LINGO2: variants seen among roughly 807,000 people sequenced by gnomAD.
LINGO2 encodes leucine rich repeat and Ig domain containing 2.
In LINGO2, 14 loss-of-function variants were observed where a neutral mutation model predicts 30.6. The ratio of observed to expected loss-of-function variants is 0.46; its 90% CI spans 0.30 to 0.72. The LOEUF (loss-of-function observed/expected upper bound fraction) is 0.72, where lower values mean the gene tolerates loss of function less well. LINGO2 is among the 30% of genes least tolerant of loss of function. The pLI, the probability that LINGO2 is intolerant of heterozygous loss-of-function variation, is 0.07. For synonymous variants in LINGO2, 317 were observed against 288.5 expected (o/e 1.10, Z -1.00); for missense variants, 729 against 751.7 (o/e 0.97, Z 0.35).
the LINGO2 span, among the ~76,000 whole-genome samples, chr9:28,961,048 C>A: frequency 3.3e-5 from 5 of 152,058 alleles, no homozygotes; most frequent in Non-Finnish European, 7.4e-5. Flanking sequence ...ATGTATATTT[C>A]TGATATGCTC....
chr9:28,342,121 T>TA (rs1343238112), intron 3 of LINGO2, among the ~76,000 whole-genome samples: 1 of 152,120 alleles, frequency 6.6e-6, no homozygotes, highest in African/African-American at 2.4e-5. Flanking sequence ...ATGCTGACTA[T>TA]AAAAAATACT....
intron 4 of LINGO2, among the ~76,000 whole-genome samples, chr9:28,182,899 C>T (rs970295675): frequency 1.1e-4 from 16 of 152,082 alleles, no homozygotes; most frequent in African/African-American, 3.6e-4. Flanking sequence ...GACAGTGTGG[C>T]GATTCCTCAA....
intron 5 of LINGO2, among the ~76,000 whole-genome samples, chr9:27,966,505 G>C (rs984770890): frequency 6.6e-6 from 1 of 152,084 alleles, no homozygotes; most frequent in Non-Finnish European, 1.5e-5. Flanking sequence ...TCACTCATAA[G>C]TGGGAATTGA....
chr9:28,475,453 T>C (rs1325987590), intron 2 of LINGO2, among the ~76,000 whole-genome samples: 1 of 152,162 alleles, frequency 6.6e-6, no homozygotes, highest in African/African-American at 2.4e-5. Context: ...ACTTTCTTTA[T>C]CTATAAAACA....
At chr9:28,003,349 A>AGAT (rs1491022619) in intron 5 of LINGO2, among the ~76,000 whole-genome samples, 1 of 115,372 alleles carries the variant, frequency 8.7e-6, no homozygotes, top group East Asian at 3.6e-4. Context: ...ATATATAGAT[A>AGAT]GATAGATAGA....
At chr9:27,945,774 A>AAAG (rs1823341488), downstream of LINGO2, among the ~76,000 whole-genome samples, 1 of 152,116 alleles carries the variant, frequency 6.6e-6, no homozygotes, top group South Asian at 2.1e-4. Flanking sequence ...CACTCAATGG[A>AAAG]TACCAGAGCT....
chr9:28,988,212 C>G, the LINGO2 span, among the ~76,000 whole-genome samples: 4 of 152,198 alleles, frequency 2.6e-5, no homozygotes, highest in South Asian at 2.1e-4. Context: ...TAGGTGCTCC[C>G]ATGTTGGGTG....
At chr9:28,445,785 G>T (rs903363127) in intron 2 of LINGO2, among the ~76,000 whole-genome samples, 4 of 149,678 alleles carry the variant, frequency 2.7e-5, no homozygotes, top group Non-Finnish European at 2.9e-5. Flanking sequence ...GTTACTTATT[G>T]TTGGCAACAT....
chr9:28,529,068 T>G (rs1349015181), intron 1 of LINGO2, among the ~76,000 whole-genome samples: 1 of 152,096 alleles, frequency 6.6e-6, no homozygotes, highest in East Asian at 1.9e-4. Context: ...AGAAAGTCCT[T>G]CATGTTCCAT....
At chr9:28,218,939 G>A (rs1820863483) in intron 4 of LINGO2, among the ~76,000 whole-genome samples, 1 of 152,120 alleles carries the variant, frequency 6.6e-6, no homozygotes, top group Admixed American at 6.5e-5. Flanking sequence ...CAAATTTTCT[G>A]AGACTATAAT....
chr9:28,999,691 T>C, the LINGO2 span, among the ~76,000 whole-genome samples: 1 of 152,002 alleles, frequency 6.6e-6, no homozygotes, highest in African/African-American at 2.4e-5. Context: ...AAATTAAAAG[T>C]AAACAGGTTA....
At chr9:28,927,012 T>C in the LINGO2 span, among the ~76,000 whole-genome samples, 1 of 152,238 alleles carries the variant, frequency 6.6e-6, no homozygotes, top group Non-Finnish European at 1.5e-5. Context: ...TTTTTTCTTC[T>C]TACAGCATAT....
chr9:28,016,888 AAAC>A lies in LINGO2; in HGVS notation c.-86-4486_-86-4484del, dbSNP rs149891018. ...AAACTTAGCAGAGACAACAACAACAAAACAACAACTTCAGGCCAATATCCTTGA... is the reference window on the plus strand; with the variant it reads ...AAACTTAGCAGAGACAACAACAACAAAACAACTTCAGGCCAATATCCTTGA... On this transcript the variant is annotated intron_variant, in intron 4 of 5. Coordinates refer to ENST00000379992, the Ensembl canonical transcript of LINGO2. 5.1e-3 allele frequency among the ~76,000 whole-genome samples: 778 copies of A among 152,204 alleles called. 8 individuals carry two copies. The highest frequency in any genetic ancestry group is 0.017 in the African/African-American group (706 of 41,508).
At chr9:28,891,990 T>A in the LINGO2 span, among the ~76,000 whole-genome samples, 1 of 151,968 alleles carries the variant, frequency 6.6e-6, no homozygotes, top group East Asian at 1.9e-4. Flanking sequence ...GCATTTTCTA[T>A]CCTTATCCCA....
At chr9:28,483,551 A>C (rs1438644626) in intron 1 of LINGO2, among the ~76,000 whole-genome samples, 4 of 151,910 alleles carry the variant, frequency 2.6e-5, no homozygotes, top group African/African-American at 4.8e-5. Flanking sequence ...GACAGGAAAA[A>C]AAAAAAGATA....
intron 1 of LINGO2, among the ~76,000 whole-genome samples, chr9:28,491,780 T>C (rs991660860): frequency 6.6e-6 from 1 of 152,118 alleles, no homozygotes; most frequent in Non-Finnish European, 1.5e-5. Context: ...CAGGCTCCAA[T>C]AGTAAAATAA....
intron 1 of LINGO2, among the ~76,000 whole-genome samples, chr9:28,526,256 A>G (rs1172816821): frequency 6.6e-6 from 1 of 152,162 alleles, no homozygotes; most frequent in Non-Finnish European, 1.5e-5. Context: ...TAAAATTATT[A>G]TGCTTTAAAG....
rs1294791955 is a variant in LINGO2 at position 28,090,729 on chromosome 9, A to T, written c.-86-78324T>A. Among the ~76,000 whole-genome samples, 4 of 152,146 alleles carry T rather than the reference A, an allele frequency of 2.6e-5. No homozygotes were observed. The South Asian group carries it at 8.3e-4, about 32-fold the overall frequency. On this transcript the variant is annotated intron_variant, in intron 4 of 5. Coordinates refer to ENST00000379992, the Ensembl canonical transcript of LINGO2. ...GTTCTGGCCAGGGCAATTAGGGAGG[A>T]GAAAGAAATAAAGGGTATTCAATTA... is the stretch of plus-strand genomic sequence containing the variant.
At chr9:28,232,413 A>G (rs1367189083) in intron 4 of LINGO2, among the ~76,000 whole-genome samples, 6 of 113,266 alleles carry the variant, frequency 5.3e-5, no homozygotes, top group Non-Finnish European at 8.7e-5. Context: ...ACGAGATTCT[A>G]TCTCACAAAA....
Sources: gnomAD v4.1 joint callset for allele counts (sites outside exome capture counted in the v4.1 genomes callset) on GRCh38, gnomAD v4.1.1 for gene constraint, MANE v1.5 for transcripts, NCBI Gene and HGNC (gene_info 2026-07-23, HGNC 2026-07-21) for gene names.